Variants in KIF26B observed in about 807,000 individuals in gnomAD.
KIF26B encodes the protein kinesin family member 26B.
Under a neutral mutation model 151.2 loss-of-function variants are expected in KIF26B, and 63 were observed. The observed-to-expected ratio is 0.42, with a 90% confidence interval of 0.34 to 0.51. The LOEUF (loss-of-function observed/expected upper bound fraction) is 0.51, where lower values mean the gene tolerates loss of function less well. Ranked by LOEUF, KIF26B falls within the 20% of genes least tolerant of loss-of-function variation. KIF26B has a pLI of 0.07. For missense variants in KIF26B, 2,813 were observed against 2,913.6 expected (o/e 0.97, Z 0.79); for synonymous variants, 1,357 against 1,262.1 (o/e 1.08, Z -1.59).
chr1:245,193,464 G>A (rs1469177363), intron 2 of KIF26B, among the ~76,000 whole-genome samples: 3 of 150,180 alleles, frequency 2.0e-5, no homozygotes, highest in Non-Finnish European at 4.4e-5. Flanking sequence ...TGAAAGCTTA[G>A]GCTTTCCTTT....
intron 10 of KIF26B, among the ~76,000 whole-genome samples, chr1:245,673,110 C>A (rs1186160300): frequency 1.4e-5 from 2 of 141,624 alleles, no homozygotes; most frequent in East Asian, 2.2e-4. Context: ...TAGGCCCAGT[C>A]CCCGCTGCGC....
At chr1:245,176,588 C>T (rs1247289317) in intron 2 of KIF26B, among the ~76,000 whole-genome samples, 2 of 152,100 alleles carry the variant, frequency 1.3e-5, no homozygotes, top group East Asian at 3.9e-4. Flanking sequence ...GTGTGAGCCA[C>T]TCCCCACAAG....
rs1043234032 is a variant in KIF26B at position 245,218,357 on chromosome 1, G to A, written c.465+61674G>A. On this transcript the variant is annotated intron_variant, in intron 2 of 14. Transcript: ENST00000407071. The surrounding 1 kb of genome is among the most constrained non-coding windows in gnomAD (Gnocchi z 4.1). The stretch of plus-strand genomic sequence containing the variant: ...GCAGCAGTTGTCACTCTGAGGGAGG[G>A]AAGGGGAAGGGAGGGCTCAGGTGAA... Among the ~76,000 whole-genome samples, 2 of 147,560 alleles carry A rather than the reference G, an allele frequency of 1.4e-5. No individual in the cohort carries two copies. Among genetic ancestry groups the A allele is most frequent in the South Asian group, 4.2e-4 (2 of 4,710 alleles).
Position 245,684,242 on chromosome 1 carries a change from G to A in KIF26B, c.2268G>A (p.Lys756=). ...GSKHIPYKES[K]LAMLLRESLG... ...TCACTTTGTTTGGCAGAGAGAGCAA[G>A]CTCGCCATGTTGCTGCGGGAGTCTC... Residue 756 remains lysine, a synonymous_variant, in exon 11 of 15, where the codon AAG becomes AAA. Transcript: ENST00000407071. The A allele has an allele frequency of 6.2e-7, 1 of 1,613,118 alleles. No homozygotes were observed. Among genetic ancestry groups the A allele is most frequent in the Non-Finnish European group, 8.5e-7 (1 of 1,179,226 alleles).
chr1:245,682,945 G>A (rs970937041), intron 10 of KIF26B, among the ~76,000 whole-genome samples: 7 of 151,968 alleles, frequency 4.6e-5, no homozygotes, highest in East Asian at 1.9e-4. Context: ...CCCTTACCTC[G>A]CCACGTTCAT....
At chr1:245,669,561 G>C (rs1178650943) in intron 10 of KIF26B, among the ~76,000 whole-genome samples, 1 of 152,198 alleles carries the variant, frequency 6.6e-6, no homozygotes, top group Non-Finnish European at 1.5e-5. Context: ...GCACAGCCAA[G>C]GAGCACGTGA....
chr1:245,428,455 A>G (rs1658698637), intron 4 of KIF26B, among the ~76,000 whole-genome samples: 1 of 152,182 alleles, frequency 6.6e-6, no homozygotes, highest in Non-Finnish European at 1.5e-5. Context: ...AAAGCACAGA[A>G]GGAAAAGTGG....
At chr1:245,356,840 A>G (rs1672711698) in intron 2 of KIF26B, among the ~76,000 whole-genome samples, 1 of 152,216 alleles carries the variant, frequency 6.6e-6, no homozygotes, top group Non-Finnish European at 1.5e-5. Context: ...AAGCAGAGAA[A>G]GGTGGTTAGG....
At position 245,602,289 on chromosome 1, in the gene KIF26B, G is replaced by A. The variant is rs563573396; in HGVS notation, c.1351-288G>A. 1.2e-4 allele frequency among the ~76,000 whole-genome samples: 18 copies of A among 152,294 alleles called. No individual in the cohort carries two copies. Among genetic ancestry groups the A allele is most frequent in the African/African-American group, 3.6e-4 (15 of 41,560 alleles). Reference sequence around the variant, plus strand: ...ATCTGTGTAATTGGGCCACGAGGGCGCAGTTAATATTCAATTTATATTAAT... The same window carrying A: ...ATCTGTGTAATTGGGCCACGAGGGCACAGTTAATATTCAATTTATATTAAT... On this transcript the variant is annotated intron_variant, in intron 5 of 14. Coordinates refer to ENST00000407071, the MANE Select transcript of KIF26B (RefSeq NM_018012.4). This position sits in a 1 kb window ranked among gnomAD's most constrained non-coding sequence, Gnocchi z 4.5.
At chr1:245,229,857 G>A (rs1247070034) in intron 2 of KIF26B, among the ~76,000 whole-genome samples, 1 of 152,202 alleles carries the variant, frequency 6.6e-6, no homozygotes, top group African/African-American at 2.4e-5. Flanking sequence ...CTCAGAGGCC[G>A]GGTTCGGTGG....
At chr1:245,496,169 T>C (rs879673032) in intron 4 of KIF26B, among the ~76,000 whole-genome samples, 2 of 152,114 alleles carry the variant, frequency 1.3e-5, no homozygotes, top group Non-Finnish European at 2.9e-5. Flanking sequence ...GTATTAAGAA[T>C]ATGAGATGTA....
chr1:245,182,436 A>G (rs1430466822), intron 2 of KIF26B, among the ~76,000 whole-genome samples: 1 of 152,088 alleles, frequency 6.6e-6, no homozygotes, highest in East Asian at 1.9e-4. Flanking sequence ...GTAATATTCC[A>G]CTGTATAAAC....
At position 245,367,282 on chromosome 1, in the gene KIF26B, A is replaced by G. The variant is rs1672983524; in HGVS notation, c.914A>G (p.Asn305Ser). 6.2e-7 allele frequency: 1 copy of G among 1,600,902 alleles called. No homozygotes were observed. Among genetic ancestry groups the G allele is most frequent in the South Asian group, 1.1e-5 (1 of 88,644 alleles). ...ATSPSNGNIL[N>S]SVAIQAHQYL... Reference sequence around the variant, plus strand: ...AGTCCAAGCAATGGGAACATCCTCAATTCGGTGGCCATCCAGGCTCACCAG... The same window carrying G: ...AGTCCAAGCAATGGGAACATCCTCAGTTCGGTGGCCATCCAGGCTCACCAG... The change falls in exon 3 of 15, where the codon AAT becomes AGT. Residue 305 changes from asparagine to serine, a missense_variant. Asn to Ser is a conservative substitution (Grantham distance 46). Transcript: ENST00000407071. The surrounding 1 kb of genome is among the most constrained non-coding windows in gnomAD (Gnocchi z 4.2).
At chr1:245,295,394 T>C (rs1364293281) in intron 2 of KIF26B, among the ~76,000 whole-genome samples, 1 of 152,210 alleles carries the variant, frequency 6.6e-6, no homozygotes, top group Non-Finnish European at 1.5e-5. Flanking sequence ...AAGGTTGAAC[T>C]GGGCAGTGGC....
At chr1:245,360,197 C>A (rs891308047) in intron 2 of KIF26B, among the ~76,000 whole-genome samples, 1 of 152,084 alleles carries the variant, frequency 6.6e-6, no homozygotes, top group Non-Finnish European at 1.5e-5. Context: ...TTTGACTTGA[C>A]CAGATGTGGT....
chr1:245,291,509 T>C (rs1671252462), intron 2 of KIF26B, among the ~76,000 whole-genome samples: 1 of 152,190 alleles, frequency 6.6e-6, no homozygotes, highest in Non-Finnish European at 1.5e-5. Flanking sequence ...AGGCCTTGTG[T>C]GGCTGTCAGC....
chr1:245,631,239 CTTA>C (rs932941804), intron 9 of KIF26B, among the ~76,000 whole-genome samples: 1 of 152,164 alleles, frequency 6.6e-6, no homozygotes, highest in African/African-American at 2.4e-5. Context: ...CTTTTCCCCA[CTTA>C]TTATGATGTT....
intron 2 of KIF26B, among the ~76,000 whole-genome samples, chr1:245,249,309 T>C (rs997535023): frequency 6.6e-6 from 1 of 151,798 alleles, no homozygotes; most frequent in Non-Finnish European, 1.5e-5. Context: ...CTGTGTTAGC[T>C]GGGATGGTCT....
intron 4 of KIF26B, among the ~76,000 whole-genome samples, chr1:245,499,492 T>C (rs1660577410): frequency 1.3e-5 from 2 of 152,208 alleles, no homozygotes; most frequent in Non-Finnish European, 2.9e-5. Flanking sequence ...GATTATTATC[T>C]GATTTTATTA....
Sources: gnomAD v4.1 joint callset for allele counts (sites outside exome capture counted in the v4.1 genomes callset) on GRCh38, gnomAD v4.1.1 for gene constraint, Gnocchi (gnomAD v3.1) non-coding constraint, MANE v1.5 for transcripts, NCBI Gene and HGNC (gene_info 2026-07-23, HGNC 2026-07-21) for gene names.